The following PARD3 variants were observed in gnomAD, a reference collection of about 807,000 sequenced individuals.
PARD3 encodes par-3 family cell polarity regulator.
Under a neutral mutation model 155.4 loss-of-function variants are expected in PARD3, and 75 were observed. That is an observed-to-expected ratio of 0.48 (90% confidence interval 0.40 to 0.58). PARD3 has a LOEUF of 0.58. Among genes scored for constraint, PARD3 ranks in the 20% least tolerant of loss-of-function variants. The pLI, the probability that PARD3 is intolerant of heterozygous loss-of-function variation, is 0.00. For synonymous variants in PARD3, 576 were observed against 610.5 expected, an observed-to-expected ratio of 0.94 and a Z score of 0.83; for missense variants, 1,642 against 1,721.7, an observed-to-expected ratio of 0.95 and a Z score of 0.82.
At chr10:34,679,433 T>C (rs1323995029) in intron 2 of PARD3, among the ~76,000 whole-genome samples, 14 of 152,096 alleles carry the variant, frequency 9.2e-5, no homozygotes, top group Admixed American at 7.2e-4. Flanking sequence ...CTTGCCAAAA[T>C]AGACAGAGGG....
chr10:34,610,627 A>T (rs1418539342), intron 2 of PARD3, among the ~76,000 whole-genome samples: 1 of 152,234 alleles, frequency 6.6e-6, no homozygotes, highest in East Asian at 1.9e-4. Flanking sequence ...GAGTTCCTAG[A>T]ATACGCTAGA....
chr10:34,206,386 G>C (rs538806337), intron 22 of PARD3, among the ~76,000 whole-genome samples: 1 of 152,346 alleles, frequency 6.6e-6, no homozygotes, highest in South Asian at 2.1e-4. Context: ...AATGGGCGGC[G>C]TTTGCCTGGA....
chr10:34,665,302 G>A (rs991355495), intron 2 of PARD3, among the ~76,000 whole-genome samples: 2 of 151,620 alleles, frequency 1.3e-5, no homozygotes, highest in Admixed American at 6.6e-5. Context: ...ACCTGAGGTC[G>A]GGAGTTCGAG....
chr10:34,374,000 A>G (rs10763989), intron 11 of PARD3, among the ~76,000 whole-genome samples: 90,163 of 151,440 alleles, frequency 0.6, 28,860 homozygotes, highest in African/African-American at 0.85. Flanking sequence ...TTTGTTTAGC[A>G]CTAAGAGCTA....
chr10:34,438,395 A>G (rs2076294089), intron 5 of PARD3, among the ~76,000 whole-genome samples: 1 of 152,212 alleles, frequency 6.6e-6, no homozygotes, highest in African/African-American at 2.4e-5. Flanking sequence ...TCAAAATAGT[A>G]CAACTATTTA....
intron 1 of PARD3, among the ~76,000 whole-genome samples, chr10:34,729,778 G>C (rs887128791): frequency 6.6e-6 from 1 of 152,144 alleles, no homozygotes; most frequent in South Asian, 2.1e-4. Flanking sequence ...TCTCCTGGAG[G>C]AGCCGGAAAA....
intron 2 of PARD3, among the ~76,000 whole-genome samples, chr10:34,622,508 C>A (rs2496716): frequency 6.6e-6 from 1 of 151,962 alleles, no homozygotes; most frequent in Non-Finnish European, 1.5e-5. Context: ...ATATTTGTCA[C>A]AAGAGAAGTT....
chr10:34,407,359 C>T (rs902870648), intron 5 of PARD3, among the ~76,000 whole-genome samples: 2 of 152,002 alleles, frequency 1.3e-5, no homozygotes, highest in Admixed American at 1.3e-4. Context: ...GAGTGTGCAC[C>T]CAGCAGTCCT....
intron 12 of PARD3, among the ~76,000 whole-genome samples, chr10:34,365,615 G>A (rs1839890061): frequency 6.6e-6 from 1 of 152,182 alleles, no homozygotes; most frequent in Admixed American, 6.5e-5. Flanking sequence ...CTGAGATGGA[G>A]TCTCGCTCTG....
At chr10:34,145,215 ATATATATTT>A (rs1213866893) in intron 22 of PARD3, among the ~76,000 whole-genome samples, 4 of 57,606 alleles carry the variant, frequency 6.9e-5, no homozygotes, top group Non-Finnish European at 9.8e-5. Context: ...ATATATATAT[ATATATATTT>A]TTTTTTTTTT....
chr10:34,530,429 C>A (rs2082767786), intron 2 of PARD3, among the ~76,000 whole-genome samples: 1 of 152,200 alleles, frequency 6.6e-6, no homozygotes, highest in African/African-American at 2.4e-5. Context: ...TCTCTGTCTT[C>A]TTCCTCATGA....
At chr10:34,418,436 A>G (rs116162508) in intron 5 of PARD3, among the ~76,000 whole-genome samples, 2,538 of 152,220 alleles carry the variant, frequency 0.017, 69 homozygotes, top group African/African-American at 0.058. Flanking sequence ...GGCCTCCCAA[A>G]GTGCTGGGAC....
At chr10:34,485,117 C>T (rs2079362590) in intron 3 of PARD3, among the ~76,000 whole-genome samples, 1 of 152,194 alleles carries the variant, frequency 6.6e-6, no homozygotes, top group South Asian at 2.1e-4. Flanking sequence ...GCAGGCAGAT[C>T]ACCTTAGGTC....
intron 1 of PARD3, among the ~76,000 whole-genome samples, chr10:34,714,641 C>T (rs981222780): frequency 1.3e-5 from 2 of 152,130 alleles, no homozygotes; most frequent in African/African-American, 4.8e-5. Flanking sequence ...GTTCCCATCT[C>T]CTTGCAGGAT....
At chr10:34,686,371 T>C (rs1483381824) in intron 2 of PARD3, among the ~76,000 whole-genome samples, 1 of 151,986 alleles carries the variant, frequency 6.6e-6, no homozygotes, top group East Asian at 1.9e-4. Flanking sequence ...TGGCCATAGT[T>C]GAAAATTCTA....
intron 1 of PARD3, among the ~76,000 whole-genome samples, chr10:34,697,152 C>T (rs1393840340): frequency 6.6e-6 from 1 of 152,012 alleles, no homozygotes; most frequent in Non-Finnish European, 1.5e-5. Flanking sequence ...ATATGGTGTA[C>T]GTATATTTTA....
chr10:34,156,130 G>A (rs570247749), intron 22 of PARD3, among the ~76,000 whole-genome samples: 1 of 152,110 alleles, frequency 6.6e-6, no homozygotes, highest in African/African-American at 2.4e-5. Context: ...TGTTTTTAGA[G>A]ACAGAATCTA....
chr10:34,600,196 A>AG (rs2089642282), intron 2 of PARD3, among the ~76,000 whole-genome samples: 1 of 151,074 alleles, frequency 6.6e-6, no homozygotes, highest in African/African-American at 2.4e-5. Flanking sequence ...AAAAAAAAAA[A>AG]TTAACCAAAC....
chr10:34,701,809 G>A (rs2094285032), intron 1 of PARD3, among the ~76,000 whole-genome samples: 1 of 152,138 alleles, frequency 6.6e-6, no homozygotes, highest in South Asian at 2.1e-4. Context: ...GGCTAAGGTG[G>A]AGGATCTCTT....
Sources: gnomAD v4.1 joint callset for allele counts (sites outside exome capture counted in the v4.1 genomes callset) on GRCh38, gnomAD v4.1.1 for gene constraint, MANE v1.5 for transcripts, NCBI Gene and HGNC (gene_info 2026-07-23, HGNC 2026-07-21) for gene names.